The following ZNF587 variants were observed in gnomAD, a reference collection of about 807,000 sequenced individuals.
The protein encoded by ZNF587 is zinc finger protein 587, also known as zinc finger protein zfp6.
A neutral mutation model predicts 7.5 loss-of-function variants in ZNF587; 8 were observed. The observed-to-expected ratio is 1.06, with a 90% CI of 0.62 to 1.92. ZNF587 has a LOEUF of 1.92. Ranked by LOEUF, ZNF587 falls within the 40% of genes most tolerant of loss-of-function variation. The pLI is 0.00. For synonymous variants in ZNF587, 145 were observed against 237.8 expected (o/e 0.61, Z 3.59); for missense variants, 468 against 692.8 (o/e 0.68, Z 3.64).
intron 1 of ZNF587, chr19:57,853,677 T>G (rs569602802): frequency 1.3e-5 from 2 of 151,408 alleles, no homozygotes; most frequent in Admixed American, 6.6e-5. Flanking sequence ...AGAGAAGAGA[T>G]AGATGCATGC....
Position 57,849,888 on chromosome 19 carries a change from G to C in ZNF587, c.-151G>C. On this transcript the variant is annotated 5_prime_UTR_variant, in exon 1 of 3. Coordinates refer to ENST00000339656, the MANE Select transcript of ZNF587 (RefSeq NM_032828.4). ...GCGGCTGTGTATCGGCGATGCGGGT[G>C]TTTCCCCAGTTTGTGGCCCCTGAGT... 6.6e-7 allele frequency: 1 copy of C among 1,523,644 alleles called. No homozygotes were observed. The highest frequency in any genetic ancestry group is 8.8e-7 in the Non-Finnish European group (1 of 1,135,100). 94.4% of individuals were successfully genotyped at this position (1,523,644 alleles called of 1,614,324 possible).
chr19:57,857,843 C>A (rs920827350), intron 2 of ZNF587, among the ~76,000 whole-genome samples: 2 of 151,830 alleles, frequency 1.3e-5, no homozygotes, highest in Non-Finnish European at 2.9e-5. Context: ...ACTATATTAG[C>A]CAGGCTGGTC....
At chr19:57,850,651 G>T (rs1461772135) in intron 1 of ZNF587, 2 of 399,042 alleles carry the variant, frequency 5.0e-6, no homozygotes, top group Non-Finnish European at 8.8e-6. Flanking sequence ...GGAGACAAAG[G>T]AGTTAGAAAG....
chr19:57,853,249 T>A (rs1368346476), intron 1 of ZNF587, among the ~76,000 whole-genome samples: 1 of 152,254 alleles, frequency 6.6e-6, no homozygotes, highest in East Asian at 1.9e-4. Context: ...CCATGCACAC[T>A]GCTTCAGCTG....
chr19:57,856,439 G>C (rs561229666), intron 2 of ZNF587, among the ~76,000 whole-genome samples: 1 of 147,972 alleles, frequency 6.8e-6, no homozygotes, highest in South Asian at 2.1e-4. Context: ...ACAGTGTCTC[G>C]CTCTGTCACC....
Position 57,860,356 on chromosome 19 carries a change from C to A in ZNF587, c.*216C>A, listed in dbSNP as rs559803022. The A allele has an allele frequency of 1.2e-6, 1 of 817,830 alleles. No homozygotes were observed. The highest frequency in any genetic ancestry group is 1.9e-6 in the Non-Finnish European group (1 of 530,698). The allele number at this position is 817,830 out of a possible 1,614,324, so 50.7% of individuals were successfully genotyped here. On this transcript the variant is annotated 3_prime_UTR_variant, in exon 3 of 3. Coordinates refer to ENST00000339656, the MANE Select transcript of ZNF587 (RefSeq NM_032828.4). ...CAGTCTTGGCTCGCTGCAACTTGGG[C>A]CTCCTGGGTTCATGCAATCCTCCTA...
intron 1 of ZNF587, among the ~76,000 whole-genome samples, chr19:57,852,588 G>C (rs552713954): frequency 7.0e-6 from 1 of 142,434 alleles, no homozygotes; most frequent in Non-Finnish European, 1.5e-5. Context: ...GTGCAATGGC[G>C]CAATCTTGGG....
intron 1 of ZNF587, among the ~76,000 whole-genome samples, chr19:57,855,236 T>C (rs1057042253): frequency 1.3e-5 from 2 of 151,760 alleles, no homozygotes; most frequent in African/African-American, 4.8e-5. Context: ...TCCCAGCTAC[T>C]TGGGAGGCTG....
chr19:57,850,661 GAGAC>G (rs2071270350), intron 1 of ZNF587: 1 of 398,794 alleles, frequency 2.5e-6, no homozygotes, highest in African/African-American at 2.1e-5. Flanking sequence ...GAGTTAGAAA[GAGAC>G]AGAATACGCA....
intron 1 of ZNF587, 106 bp downstream of exon 1, chr19:57,850,177 T>G (rs573378306): frequency 1.2e-6 from 2 of 1,605,046 alleles, no homozygotes; most frequent in African/African-American, 1.3e-5. Context: ...GTACCCGGCG[T>G]AGGAACACTG....
rs182919112 is a variant in ZNF587, at chr19:57,860,493, T to G, written c.*353T>G. Reference sequence around the variant, plus strand: ...CATGTTGGCCAGGCTGGTCTCAAACTCCTGACCTCAAGTGATCCACCCACC... The same window carrying G: ...CATGTTGGCCAGGCTGGTCTCAAACGCCTGACCTCAAGTGATCCACCCACC... On this transcript the variant is annotated 3_prime_UTR_variant, in exon 3 of 3. Coordinates refer to ENST00000339656, the MANE Select transcript of ZNF587 (RefSeq NM_032828.4). 8.1e-4 allele frequency: 252 copies of G among 311,490 alleles called. 5 individuals are homozygous for G. In the East Asian group the frequency reaches 0.012, roughly 15 times the overall value. 19.3% of individuals were successfully genotyped at this position (311,490 alleles called of 1,614,324 possible).
chr19:57,858,455 C>G, intron 2 of ZNF587, 121 bp from the exon 3 acceptor site: 1 of 1,472,396 alleles, frequency 6.8e-7, no homozygotes, highest in Non-Finnish European at 9.0e-7. Flanking sequence ...TTGAAGCCAA[C>G]ATTGTGTTCC....
In ZNF587 at chr19:57,852,943, C is replaced by G. The variant is rs138072220; in HGVS notation, c.33+2872C>G. Among the ~76,000 whole-genome samples the G allele has an allele frequency of 3.3e-3, 485 of 146,848 alleles. 3 individuals are homozygous for G. The highest frequency in any genetic ancestry group is 0.012 in the African/African-American group (464 of 39,646). On this transcript the variant is annotated intron_variant, in intron 1 of 2. Coordinates refer to ENST00000339656, the MANE Select transcript of ZNF587 (RefSeq NM_032828.4). ...TCTCAGCCCACTGCAACCTTCACCTCCTGGGCTCAAGTGATTCTCCTGCCT... is the reference window on the plus strand; with the variant it reads ...TCTCAGCCCACTGCAACCTTCACCTGCTGGGCTCAAGTGATTCTCCTGCCT...
At position 57,862,671 on chromosome 19, in the gene ZNF587, G is replaced by C. The variant is rs1377645086; in HGVS notation, c.*2531G>C. ...CAGCCACAGTTTTGGCCGTAAATGTGAATTTGGCAAGTAACCACTGTTCCC... is the reference window on the plus strand; with the variant it reads ...CAGCCACAGTTTTGGCCGTAAATGTCAATTTGGCAAGTAACCACTGTTCCC... On this transcript the variant is annotated 3_prime_UTR_variant, in exon 3 of 3. Coordinates refer to ENST00000339656, the MANE Select transcript of ZNF587 (RefSeq NM_032828.4). The C allele has an allele frequency of 1.3e-5, 2 of 154,938 alleles. No individual in the cohort carries two copies. The highest frequency in any genetic ancestry group is 2.4e-5 in the African/African-American group (1 of 41,512). The allele number at this position is 154,938 out of a possible 1,614,324, so 9.6% of individuals were successfully genotyped here.
intron 1 of ZNF587, among the ~76,000 whole-genome samples, chr19:57,853,588 G>C (rs1258462505): frequency 1.3e-5 from 2 of 152,100 alleles, no homozygotes; most frequent in East Asian, 1.9e-4. Context: ...AAACACCTGA[G>C]AGGGTGTGAG....
intron 1 of ZNF587, chr19:57,851,742 G>A (rs768639804): frequency 5.9e-5 from 9 of 152,262 alleles, no homozygotes; most frequent in African/African-American, 9.6e-5. Flanking sequence ...TTGAAGAAAG[G>A]AGGGACATGA....
At chr19:57,850,788 G>A (rs1048164644) in intron 1 of ZNF587, 4 of 388,896 alleles carry the variant, frequency 1.0e-5, no homozygotes, top group African/African-American at 6.2e-5. Flanking sequence ...TGGCTGATTG[G>A]AGGGGGAGGA....
chr19:57,859,570 GA>G lies in ZNF587; in HGVS notation c.1161del (p.Lys387AsnfsTer93), dbSNP rs763360969. 2 of 1,613,088 alleles carry G rather than the reference GA, an allele frequency of 1.2e-6. No homozygotes were observed. The highest frequency in any genetic ancestry group is 3.3e-5 in the Admixed American group (2 of 59,956). ...GGCCTTACAAGTGTGGAGAATGTGG[GA>G]AATCTTTTGGTCAAAAGGGCAACCT... ...ERPYKCGECG[K>X]SFGQKGNLVH... On this transcript the variant is annotated frameshift_variant, in exon 3 of 3. Coordinates refer to ENST00000339656, the MANE Select transcript of ZNF587 (RefSeq NM_032828.4). LOFTEE classifies it low-confidence loss of function (END_TRUNC).
Position 57,860,363 on chromosome 19 carries a change from G to A in ZNF587, c.*223G>A. On this transcript the variant is annotated 3_prime_UTR_variant, in exon 3 of 3. Transcript: ENST00000339656. ...GGCTCGCTGCAACTTGGGCCTCCTG[G>A]GTTCATGCAATCCTCCTACCTCAGC... The A allele has an allele frequency of 1.4e-6, 1 of 734,508 alleles. No individual in the cohort carries two copies. The highest frequency in any genetic ancestry group is 2.2e-6 in the Non-Finnish European group (1 of 457,290). The allele number at this position is 734,508 out of a possible 1,614,324, so 45.5% of individuals were successfully genotyped here.
Sources: allele counts gnomAD v4.1 joint callset (sites outside exome capture counted in the v4.1 genomes callset), GRCh38; gene constraint gnomAD v4.1.1; transcripts MANE v1.5; gene names NCBI Gene and HGNC (gene_info 2026-07-23, HGNC 2026-07-21).